The following CEP162 variants were observed in gnomAD, a reference collection of about 807,000 sequenced individuals.
The protein encoded by CEP162 is centrosomal protein 162, also known as centrosomal protein of 162 kDa.
Under a neutral mutation model 169.2 loss-of-function variants are expected in CEP162, and 141 were observed. That is an observed-to-expected ratio of 0.83 (90% CI 0.73 to 0.96). The LOEUF (loss-of-function observed/expected upper bound fraction) is 0.96. CEP162 is among the 40% of genes least tolerant of loss of function. The probability of loss-of-function intolerance (pLI) is 0.00; values close to 1 mark genes in which losing one functional copy is unlikely to be tolerated. For missense variants in CEP162, 1,600 were observed against 1,587.2 expected, an observed-to-expected ratio of 1.01 and a Z score of -0.14; for synonymous variants, 540 against 526.4, an observed-to-expected ratio of 1.03 and a Z score of -0.35.
chr6:84,163,728 G>T (rs2099526653), intron 18 of CEP162, among the ~76,000 whole-genome samples: 1 of 151,918 alleles, frequency 6.6e-6, no homozygotes, highest in Non-Finnish European at 1.5e-5. Context: ...TACTTTGGGA[G>T]GCCAAGGTGG....
In CEP162 at chr6:84,154,687, T is replaced by G. The variant is rs552911547; in HGVS notation, c.2994+611A>C. Among the ~76,000 whole-genome samples the G allele has an allele frequency of 3.9e-5, 6 of 152,328 alleles. No individual in the cohort carries two copies. In the South Asian group the frequency reaches 1.2e-3, roughly 32 times the overall value. On this transcript the variant is annotated intron_variant, in intron 22 of 26. Coordinates refer to ENST00000403245, the MANE Select transcript of CEP162 (RefSeq NM_014895.4). ...GAGATATTTATGAAAGTATCTAGCA[T>G]GAATTCCTGACAGACACGTGCTCAA... is the stretch of plus-strand genomic sequence containing the variant.
intron 3 of CEP162, chr6:84,219,249 G>A (rs957589990): frequency 8.7e-6 from 8 of 914,320 alleles, no homozygotes; most frequent in East Asian, 1.3e-4. Context: ...CTCAGTAACC[G>A]TTTGCTTGAA....
intron 18 of CEP162, among the ~76,000 whole-genome samples, chr6:84,168,890 T>G (rs2099528875): frequency 1.3e-5 from 2 of 152,198 alleles, no homozygotes; most frequent in Non-Finnish European, 2.9e-5. Flanking sequence ...TCTCTAGAAG[T>G]GCAGTCTACT....
chr6:84,193,778 C>T, intron 10 of CEP162, 88 bp from the exon 11 acceptor site: 1 of 687,980 alleles, frequency 1.5e-6, no homozygotes, highest in Non-Finnish European at 2.4e-6. Flanking sequence ...TATATTTTCT[C>T]TGACACAGTT....
intron 6 of CEP162, among the ~76,000 whole-genome samples, chr6:84,205,177 CTA>C (rs1166176042): frequency 1.3e-5 from 2 of 152,170 alleles, no homozygotes; most frequent in Non-Finnish European, 2.9e-5. Flanking sequence ...TCTTCTGAAA[CTA>C]TTCCAATCAA....
rs1286640807 is a variant in CEP162 at position 84,212,971 on chromosome 6, T to G, written c.557A>C (p.His186Pro). The G allele has an allele frequency of 1.3e-6, 2 of 1,548,478 alleles. No homozygotes were observed. The highest frequency in any genetic ancestry group is 1.8e-6 in the Non-Finnish European group (2 of 1,142,328). The part of the protein sequence containing the change: ...TDDEHENESK[H>P]EELAENYSDD... ...AATGAAATTACCTGCCAGTTCTTCATGTTTCGATTCATTCTCATGTTCGTC... is the reference window on the plus strand; with the variant it reads ...AATGAAATTACCTGCCAGTTCTTCAGGTTTCGATTCATTCTCATGTTCGTC... The change falls in exon 6 of 27, where the codon CAT (histidine) becomes CCT (proline). Residue 186 changes from histidine (H) to proline (P), a missense_variant. By Grantham distance (77) the His-to-Pro change is moderately conservative (BLOSUM62 -2). Transcript: ENST00000403245.
chr6:84,220,761 C>T (rs1459835085), intron 3 of CEP162, among the ~76,000 whole-genome samples: 1 of 152,010 alleles, frequency 6.6e-6, no homozygotes, highest in Non-Finnish European at 1.5e-5. Context: ...TATTAAATCA[C>T]CTTAAATCAA....
In CEP162 at chr6:84,163,042, A is replaced by G. The variant is rs189100476; in HGVS notation, c.2512+102T>C. 1.8e-4 allele frequency: 193 copies of G among 1,091,836 alleles called. 1 individual carries two copies. The African/African-American group carries it at 2.5e-3, about 14-fold the overall frequency. The allele number at this position is 1,091,836 out of a possible 1,614,324, so 67.6% of individuals were successfully genotyped here. ...TGTTTCTAAAATTACAATATACTTC[A>G]AGGAGTAGCATTTTGATTATACCAT... On this transcript the variant is annotated intron_variant, in intron 19 of 26. Transcript: ENST00000403245.
At chr6:84,195,740 G>A (rs1031627222) in intron 9 of CEP162, among the ~76,000 whole-genome samples, 1 of 152,048 alleles carries the variant, frequency 6.6e-6, no homozygotes, top group African/African-American at 2.4e-5. Context: ...AACTCTTGCG[G>A]TCTATAGTTC....
At chr6:84,145,142 G>A (rs1408062555) in intron 25 of CEP162, among the ~76,000 whole-genome samples, 5 of 152,034 alleles carry the variant, frequency 3.3e-5, no homozygotes, top group Non-Finnish European at 7.4e-5. Flanking sequence ...TTACATACGA[G>A]GTTTCCTTAT....
At chr6:84,207,356 G>T (rs999381798) in intron 6 of CEP162, among the ~76,000 whole-genome samples, 1 of 152,062 alleles carries the variant, frequency 6.6e-6, no homozygotes, top group African/African-American at 2.4e-5. Flanking sequence ...AAGAAAATGT[G>T]GCAAATATAC....
At chr6:84,196,221 G>A (rs979830136) in intron 9 of CEP162, among the ~76,000 whole-genome samples, 14 of 152,142 alleles carry the variant, frequency 9.2e-5, no homozygotes, top group African/African-American at 3.1e-4. Context: ...TCTCATGATA[G>A]TGAACGAGTC....
At chr6:84,201,468 A>G (rs1256214760) in intron 8 of CEP162, among the ~76,000 whole-genome samples, 5 of 152,192 alleles carry the variant, frequency 3.3e-5, no homozygotes, top group African/African-American at 9.7e-5. Flanking sequence ...ACAGTAGGCT[A>G]ACATCAACAT....
Position 84,163,206 on chromosome 6 carries a change from A to G in CEP162, c.2450T>C (p.Val817Ala). The G allele has an allele frequency of 6.2e-7, 1 of 1,612,404 alleles. No individual in the cohort carries two copies. The highest frequency in any genetic ancestry group is 1.7e-5 in the Admixed American group (1 of 59,936). The change falls in exon 19 of 27, where the codon GTA (valine) becomes GCA (alanine). Residue 817 changes from valine (V) to alanine (A), a missense_variant. Coordinates refer to ENST00000403245, the MANE Select transcript of CEP162 (RefSeq NM_014895.4). ...RLKQDKQALEVDFEKMKKERD... is the reference protein window; with the variant it reads ...RLKQDKQALEADFEKMKKERD... ...CTCTTTCTTCATTTTTTCGAAGTCT[A>G]CTTCAAGAGCTTGTTTGTCTTGTTT... is the stretch of plus-strand genomic sequence containing the variant.
At chr6:84,195,630 C>T (rs2099541812) in intron 9 of CEP162, among the ~76,000 whole-genome samples, 1 of 152,182 alleles carries the variant, frequency 6.6e-6, no homozygotes, top group African/African-American at 2.4e-5. Flanking sequence ...TTATCTTAGC[C>T]AAAAGGCAGA....
At position 84,174,041 on chromosome 6, in the gene CEP162, GCC is replaced by G; in HGVS notation, c.2166+5_2166+6del. ...TAAATTTGCCATATGTTGAAGAATT[GCC>G]ATACCTGTTGATATCCTTGAAGAAG... On this transcript the variant is annotated splice_donor_5th_base_variant and intron_variant, in intron 16 of 26. Transcript: ENST00000403245. 6.2e-7 allele frequency: 1 copy of G among 1,606,330 alleles called. No individual in the cohort carries two copies. The highest frequency in any genetic ancestry group is 8.5e-7 in the Non-Finnish European group (1 of 1,176,760).
At position 84,161,912 on chromosome 6, in the gene CEP162, A is replaced by G. The variant is rs1457352336; in HGVS notation, c.2513-3T>C. 3 of 1,484,790 alleles carry G rather than the reference A, an allele frequency of 2.0e-6. No individual in the cohort carries two copies. The highest frequency in any genetic ancestry group is 2.0e-5 in the Admixed American group (1 of 50,956). The allele number at this position is 1,484,790 out of a possible 1,614,324, so 92.0% of individuals were successfully genotyped here. ...TTTTATTTCATATAATTTCTCACCTATAAGATACAGTAACTCAATAACCTG... is the reference window on the plus strand; with the variant it reads ...TTTTATTTCATATAATTTCTCACCTGTAAGATACAGTAACTCAATAACCTG... On this transcript the variant is annotated splice_region_variant and splice_polypyrimidine_tract_variant and intron_variant, in intron 19 of 26. Transcript: ENST00000403245.
At chr6:84,188,343 A>G (rs1382468704) in intron 11 of CEP162, among the ~76,000 whole-genome samples, 5 of 152,072 alleles carry the variant, frequency 3.3e-5, no homozygotes, top group Non-Finnish European at 7.4e-5. Flanking sequence ...CCAGGTAATA[A>G]GCATAGTACC....
chr6:84,136,898 G>A (rs1192891394), intron 25 of CEP162, among the ~76,000 whole-genome samples: 3 of 152,104 alleles, frequency 2.0e-5, no homozygotes, highest in Non-Finnish European at 4.4e-5. Flanking sequence ...AATGGCCATC[G>A]GCCACACACC....
Sources: allele counts gnomAD v4.1 joint callset (sites outside exome capture counted in the v4.1 genomes callset), GRCh38; gene constraint gnomAD v4.1.1; transcripts MANE v1.5; gene names NCBI Gene and HGNC (gene_info 2026-07-23, HGNC 2026-07-21).